The following LEF1 variants were observed in gnomAD, a reference collection of about 807,000 sequenced individuals.
LEF1 encodes lymphoid enhancer binding factor 1.
In LEF1, 14 loss-of-function variants were observed where a neutral mutation model predicts 51.2. The ratio of observed to expected loss-of-function variants is 0.27; its 90% CI spans 0.18 to 0.43. The LOEUF is 0.43. LEF1 is among the 20% of genes least tolerant of loss of function. The pLI is 1.00. For missense variants in LEF1, 386 were observed against 512.0 expected (o/e 0.75, Z 2.37); for synonymous variants, 185 against 183.2 (o/e 1.01, Z -0.08).
intron 3 of LEF1, among the ~76,000 whole-genome samples, chr4:108,094,196 T>C (rs1740233694): frequency 6.6e-6 from 1 of 152,200 alleles, no homozygotes; most frequent in Admixed American, 6.5e-5. Context: ...ATGAAATGGC[T>C]GTGTGGTCTC....
chr4:108,144,893 G>GAGTATCCTC (rs1180632580), intron 3 of LEF1, among the ~76,000 whole-genome samples: 5 of 51,096 alleles, frequency 9.8e-5, no homozygotes, highest in Non-Finnish European at 2.1e-4. Flanking sequence ...AAAAAAAGAA[G>GAGTATCCTC]AGTATCCTCA....
chr4:108,119,959 G>C (rs1431919518), intron 3 of LEF1, among the ~76,000 whole-genome samples: 1 of 151,316 alleles, frequency 6.6e-6, no homozygotes, highest in Non-Finnish European at 1.5e-5. Flanking sequence ...TATTTTTATA[G>C]GAAGTTGTAC....
intron 3 of LEF1, among the ~76,000 whole-genome samples, chr4:108,093,568 A>T (rs1049801630): frequency 2.0e-5 from 3 of 152,068 alleles, no homozygotes; most frequent in African/African-American, 7.2e-5. Context: ...CAGCTTTACG[A>T]GATACCTGGC....
chr4:108,103,780 ATT>A (rs1468611430), intron 3 of LEF1, among the ~76,000 whole-genome samples: 1 of 152,194 alleles, frequency 6.6e-6, no homozygotes, highest in Non-Finnish European at 1.5e-5. Context: ...AAAAGTGTTA[ATT>A]TAACTCCCTC....
At chr4:108,057,984 C>T (rs1415425125) in intron 11 of LEF1, among the ~76,000 whole-genome samples, 16 of 151,918 alleles carry the variant, frequency 1.1e-4, no homozygotes, top group African/African-American at 2.7e-4. Flanking sequence ...AGTGATTCTC[C>T]GGCCTCAGCC....
intron 3 of LEF1, among the ~76,000 whole-genome samples, chr4:108,122,186 T>C (rs776816474): frequency 5.9e-5 from 9 of 152,194 alleles, no homozygotes; most frequent in Non-Finnish European, 1.0e-4. Context: ...TACTAACTAC[T>C]GATAGAGATA....
At chr4:108,152,229 A>G (rs1744398755) in intron 3 of LEF1, among the ~76,000 whole-genome samples, 1 of 152,198 alleles carries the variant, frequency 6.6e-6, no homozygotes, top group Non-Finnish European at 1.5e-5. Context: ...AATAGAGAAC[A>G]GGGCATTTCA....
At chr4:108,107,262 AG>A (rs1193520721) in intron 3 of LEF1, among the ~76,000 whole-genome samples, 1 of 151,232 alleles carries the variant, frequency 6.6e-6, no homozygotes, top group Non-Finnish European at 1.5e-5. Flanking sequence ...AGACAGAGAA[AG>A]GTGTTTTTTT....
chr4:108,123,675 T>C (rs1742327827), intron 3 of LEF1, among the ~76,000 whole-genome samples: 1 of 152,164 alleles, frequency 6.6e-6, no homozygotes, highest in South Asian at 2.1e-4. Context: ...GTATGTATTA[T>C]GTATATGTGA....
At chr4:108,127,143 GA>G (rs113312128) in intron 3 of LEF1, among the ~76,000 whole-genome samples, 90,768 of 151,712 alleles carry the variant, frequency 0.6, 27,662 homozygotes, top group Middle Eastern at 0.74. Context: ...CATTTTGGCA[GA>G]AAAAAACAGT....
chr4:108,120,771 T>C (rs1578366894), intron 3 of LEF1, among the ~76,000 whole-genome samples: 2 of 152,326 alleles, frequency 1.3e-5, no homozygotes, highest in Admixed American at 1.3e-4. Flanking sequence ...TTTGTCAATA[T>C]CACCACTGAA....
chr4:108,088,304 G>C (rs949195495), intron 4 of LEF1, among the ~76,000 whole-genome samples: 1 of 152,178 alleles, frequency 6.6e-6, no homozygotes. Flanking sequence ...ACCCCTTTAC[G>C]TTCTCTGCCT....
chr4:108,166,329 AC>A (rs1277200149), intron 1 of LEF1: 1 of 1,526,970 alleles, frequency 6.5e-7, no homozygotes, highest in Admixed American at 2.1e-5. Context: ...GCTGTTTAAA[AC>A]CCAAAATGTC....
At chr4:108,162,205 C>T (rs1475347711) in intron 3 of LEF1, among the ~76,000 whole-genome samples, 3 of 152,028 alleles carry the variant, frequency 2.0e-5, no homozygotes, top group African/African-American at 7.2e-5. Context: ...TTACAGCAAC[C>T]ATCACAAGAT....
At chr4:108,077,590 G>A (rs1316838263) in intron 8 of LEF1, among the ~76,000 whole-genome samples, 4 of 80,556 alleles carry the variant, frequency 5.0e-5, no homozygotes, top group African/African-American at 1.9e-4. Context: ...GGGAAGTGAG[G>A]GGCGCCTCTG....
At position 108,083,416 on chromosome 4, in the gene LEF1, A is replaced by G; in HGVS notation, c.578T>C (p.Ile193Thr). The G allele has an allele frequency of 3.1e-6, 5 of 1,613,654 alleles. No individual in the cohort carries two copies. Among genetic ancestry groups the G allele is most frequent in the Non-Finnish European group, 4.2e-6 (5 of 1,179,658 alleles). The change falls in exon 5 of 12, where the codon ATC becomes ACC. Residue 193 changes from isoleucine to threonine, a missense_variant. This residue lies in a region of LEF1 where 335 missense variants were observed against 390.7 expected (regional missense o/e 0.86). Transcript: ENST00000265165. ...GMSRHPPAPD[I>T]PTFYPLSPGG... ...CGGAGACAAGGGATAAAAAGTAGGG[A>G]TATCAGGAGCTGGAGGATGTCTGGA...
chr4:108,111,096 T>C (rs1292017722), intron 3 of LEF1, among the ~76,000 whole-genome samples: 1 of 152,162 alleles, frequency 6.6e-6, no homozygotes, highest in Non-Finnish European at 1.5e-5. Context: ...AATATTTCCA[T>C]AGGATACACC....
At chr4:108,092,727 C>T (rs990671911) in intron 3 of LEF1, among the ~76,000 whole-genome samples, 2 of 152,002 alleles carry the variant, frequency 1.3e-5, no homozygotes, top group Non-Finnish European at 2.9e-5. Context: ...TAAGTGGCTA[C>T]ATCACATGCA....
At position 108,167,441 on chromosome 4, in the gene LEF1, GGATCTACTCGGGACCCTCA is replaced by G; in HGVS notation, c.213+95_213+113del. 1.0e-6 allele frequency: 1 copy of G among 952,646 alleles called. No individual in the cohort carries two copies. Among genetic ancestry groups the G allele is most frequent in the Non-Finnish European group, 1.6e-6 (1 of 619,342 alleles). 59.0% of individuals were successfully genotyped at this position (952,646 alleles called of 1,614,324 possible). On this transcript the variant is annotated intron_variant, in intron 1 of 11. Coordinates refer to ENST00000265165, the MANE Select transcript of LEF1 (RefSeq NM_016269.5). This position sits in a 1 kb window ranked among gnomAD's most constrained non-coding sequence, Gnocchi z 5.7. ...ACGCACACACCCCAAAACAAACGAG[GGATCTACTCGGGACCCTCA>G]GCCGGGCGGCCGGGCGCCTTCGTTC...
Sources: allele counts gnomAD v4.1 joint callset (sites outside exome capture counted in the v4.1 genomes callset), GRCh38; gene constraint gnomAD v4.1.1; regional missense constraint gnomAD v4.1.1; non-coding constraint Gnocchi (gnomAD v3.1); transcripts MANE v1.5; gene names NCBI Gene and HGNC (gene_info 2026-07-23, HGNC 2026-07-21).